ITPRID1: variants seen among roughly 807,000 people sequenced by gnomAD.
The protein encoded by ITPRID1 is protein ITPRID1.
A neutral mutation model predicts 95.4 loss-of-function variants in ITPRID1; 96 were observed. That is an observed-to-expected ratio of 1.01 (90% confidence interval 0.85 to 1.19). The LOEUF (loss-of-function observed/expected upper bound fraction) is 1.19. Among genes scored for constraint, ITPRID1 ranks in the 50% most tolerant of loss-of-function variants. ITPRID1 has a pLI of 0.00. For synonymous variants in ITPRID1, 510 were observed against 453.6 expected, an observed-to-expected ratio of 1.12 and a Z score of -1.58; for missense variants, 1,339 against 1,252.9, an observed-to-expected ratio of 1.07 and a Z score of -1.04.
intron 10 of ITPRID1, among the ~76,000 whole-genome samples, chr7:31,603,309 G>A (rs1202534202): frequency 6.6e-6 from 1 of 152,048 alleles, no homozygotes; most frequent in Non-Finnish European, 1.5e-5. Flanking sequence ...GCAGCTGGGA[G>A]CATTCTAGCT....
chr7:31,567,254 G>C (rs1667162802), intron 5 of ITPRID1, among the ~76,000 whole-genome samples: 1 of 152,012 alleles, frequency 6.6e-6, no homozygotes, highest in Non-Finnish European at 1.5e-5. Context: ...CTTGATCATG[G>C]CTCCCTAGAA....
intron 1 of ITPRID1, among the ~76,000 whole-genome samples, chr7:31,535,020 C>T (rs1783714905): frequency 1.3e-5 from 2 of 152,094 alleles, no homozygotes; most frequent in Non-Finnish European, 2.9e-5. Context: ...CCAGTCTGCA[C>T]TGTGCGATAG....
intron 8 of ITPRID1, among the ~76,000 whole-genome samples, chr7:31,575,120 C>A (rs1006177939): frequency 2.6e-5 from 4 of 152,144 alleles, no homozygotes; most frequent in Non-Finnish European, 5.9e-5. Context: ...CATGGCCACA[C>A]CTAACTCCAA....
intron 12 of ITPRID1, among the ~76,000 whole-genome samples, chr7:31,650,431 T>C (rs1790845227): frequency 6.6e-6 from 1 of 152,028 alleles, no homozygotes; most frequent in Non-Finnish European, 1.5e-5. Flanking sequence ...TATATTTAAA[T>C]GAGAAAACCA....
intron 10 of ITPRID1, among the ~76,000 whole-genome samples, chr7:31,602,295 A>G (rs1786427741): frequency 6.6e-6 from 1 of 152,182 alleles, no homozygotes; most frequent in Non-Finnish European, 1.5e-5. Context: ...TGAGACTAAT[A>G]CCCACAGCCT....
At chr7:31,631,222 G>A (rs1435401532) in intron 10 of ITPRID1, among the ~76,000 whole-genome samples, 1 of 152,070 alleles carries the variant, frequency 6.6e-6, no homozygotes, top group African/African-American at 2.4e-5. Flanking sequence ...GTTTTTTACA[G>A]AAGTGGCACA....
intron 2 of ITPRID1, among the ~76,000 whole-genome samples, chr7:31,552,607 T>G (rs538666525): frequency 2.6e-5 from 4 of 152,236 alleles, no homozygotes; most frequent in African/African-American, 9.6e-5. Flanking sequence ...AAAGCCCTCA[T>G]TTTTCTCCAA....
At chr7:31,561,429 G>A (rs528899556) in intron 5 of ITPRID1, among the ~76,000 whole-genome samples, 2 of 147,600 alleles carry the variant, frequency 1.4e-5, no homozygotes, top group South Asian at 4.4e-4. Flanking sequence ...TCCACTTGGG[G>A]TATTGAAATC....
At chr7:31,578,662 G>C (rs747812350) in intron 9 of ITPRID1, among the ~76,000 whole-genome samples, 2 of 152,120 alleles carry the variant, frequency 1.3e-5, no homozygotes, top group Admixed American at 1.3e-4. Context: ...CTTCTTGCTC[G>C]CAGTTGAATC....
Position 31,539,538 on chromosome 7 carries a change from C to T in ITPRID1, c.-97-9888C>T, listed in dbSNP as rs116986089. Among the ~76,000 whole-genome samples, 1,162 of 152,268 alleles carry T rather than the reference C, an allele frequency of 7.6e-3. 5 individuals carry two copies. The highest frequency in any genetic ancestry group is 9.7e-3 in the Non-Finnish European group (658 of 68,014). On this transcript the variant is annotated intron_variant, in intron 1 of 14. Transcript: ENST00000615280. ...CAAAGAGCACAACTGATAGATCATA[C>T]GTTAAAGGTGTGCTTAGTTTCATAA...
At chr7:31,514,420 G>A (rs1782987088) in intron 1 of ITPRID1, among the ~76,000 whole-genome samples, 1 of 152,212 alleles carries the variant, frequency 6.6e-6, no homozygotes, top group Non-Finnish European at 1.5e-5. Flanking sequence ...TGGTGATAAA[G>A]GAGTTGAAAT....
chr7:31,636,428 A>ACT (rs1362745767), intron 10 of ITPRID1, among the ~76,000 whole-genome samples: 1 of 152,220 alleles, frequency 6.6e-6, no homozygotes, highest in Admixed American at 6.5e-5. Context: ...AGATTGTTTG[A>ACT]AAAGTTGAAA....
At chr7:31,529,935 G>A (rs180742916) in intron 1 of ITPRID1, 821 of 788,178 alleles carry the variant, frequency 1.0e-3, no homozygotes, top group Non-Finnish European at 1.3e-3. Context: ...CAGCGATGGC[G>A]TGTTCTGAAA....
chr7:31,521,169 G>T (rs1388389148), intron 1 of ITPRID1, among the ~76,000 whole-genome samples: 2 of 151,382 alleles, frequency 1.3e-5, no homozygotes, highest in Non-Finnish European at 2.9e-5. Flanking sequence ...TAGAAACTTA[G>T]ACTGTAGATC....
At chr7:31,566,844 A>T (rs1784817751) in intron 5 of ITPRID1, among the ~76,000 whole-genome samples, 1 of 152,150 alleles carries the variant, frequency 6.6e-6, no homozygotes, top group African/African-American at 2.4e-5. Context: ...AGAATGCCGC[A>T]ATGGATTAGC....
intron 8 of ITPRID1, among the ~76,000 whole-genome samples, chr7:31,575,849 A>T (rs1468597): frequency 0.93 from 142,017 of 152,220 alleles, 66,704 homozygotes; most frequent in East Asian, 0.99. Flanking sequence ...TCCGTTTTCA[A>T]GTAGGTAAAA....
intron 10 of ITPRID1, among the ~76,000 whole-genome samples, chr7:31,637,633 T>C (rs1239972672): frequency 1.3e-5 from 2 of 152,330 alleles, no homozygotes; most frequent in African/African-American, 4.8e-5. Context: ...ATTCTGGATA[T>C]TAGCCCTTTG....
At chr7:31,624,788 A>G (rs1788284566) in intron 10 of ITPRID1, among the ~76,000 whole-genome samples, 1 of 152,126 alleles carries the variant, frequency 6.6e-6, no homozygotes, top group Non-Finnish European at 1.5e-5. Flanking sequence ...TAATTAAACT[A>G]AAGAGCTTCT....
chr7:31,598,415 T>C (rs1262182897), intron 10 of ITPRID1, among the ~76,000 whole-genome samples: 4 of 144,158 alleles, frequency 2.8e-5, no homozygotes, highest in African/African-American at 1.0e-4. Flanking sequence ...TTTTTTTTTT[T>C]TTTTTTGAGA....
Sources: allele counts gnomAD v4.1 joint callset (sites outside exome capture counted in the v4.1 genomes callset), GRCh38; gene constraint gnomAD v4.1.1; transcripts MANE v1.5; gene names NCBI Gene and HGNC (gene_info 2026-07-23, HGNC 2026-07-21).